The following NBAS variants were observed in gnomAD, a reference collection of about 807,000 sequenced individuals.
NBAS encodes NBAS subunit of NRZ tethering complex.
NBAS carries 219 observed loss-of-function variants against 302.5 expected under a neutral mutation model. That is an observed-to-expected ratio of 0.72 (90% CI 0.65 to 0.81). NBAS has a LOEUF of 0.81. NBAS is among the 30% of genes least tolerant of loss of function. NBAS has a pLI of 0.00. For synonymous variants in NBAS, 1,118 were observed against 1,021.6 expected (o/e 1.09, Z -1.80); for missense variants, 2,932 against 2,841.6 (o/e 1.03, Z -0.72).
chr2:15,082,406 C>T, the NBAS span, among the ~76,000 whole-genome samples: 1 of 152,210 alleles, frequency 6.6e-6, no homozygotes. Context: ...TCTAACATCA[C>T]TTGCTCATTT....
In NBAS at chr2:15,488,897, C is replaced by T; in HGVS notation, c.1080G>A (p.Glu360=). ...LKQQGEWGQN[E]QPGYDDLNPD... ...TTCTAATAACCAAGAGACGCACCTG[C>T]TCATTTTGACCCCATTCCCCTTGTT... Residue 360 remains glutamate, a synonymous_variant, in exon 12 of 52, where the codon GAG becomes GAA. Transcript: ENST00000281513. 2 of 1,613,642 alleles carry T rather than the reference C, an allele frequency of 1.2e-6. No individual in the cohort carries two copies. Among genetic ancestry groups the T allele is most frequent in the Non-Finnish European group, 1.7e-6 (2 of 1,179,682 alleles).
chr2:14,971,230 C>T, the NBAS span, among the ~76,000 whole-genome samples: 1 of 152,114 alleles, frequency 6.6e-6, no homozygotes, highest in African/African-American at 2.4e-5. Context: ...GATCTAAAAA[C>T]TGCCAGCCGG....
chr2:15,479,719 C>T (rs1030033594), intron 12 of NBAS, among the ~76,000 whole-genome samples: 26 of 152,086 alleles, frequency 1.7e-4, no homozygotes, highest in Admixed American at 1.6e-3. Context: ...GCACTAGAAC[C>T]GGGGTCTGCA....
At chr2:14,891,741 C>T in the NBAS span, among the ~76,000 whole-genome samples, 9 of 152,184 alleles carry the variant, frequency 5.9e-5, no homozygotes, top group African/African-American at 1.7e-4. Flanking sequence ...CAGTGAGCAG[C>T]TGTGATTCTT....
chr2:14,959,569 T>C, the NBAS span, among the ~76,000 whole-genome samples: 1 of 152,202 alleles, frequency 6.6e-6, no homozygotes, highest in African/African-American at 2.4e-5. Flanking sequence ...GACCCTCCAT[T>C]ACCTGCCCTC....
Position 15,190,396 on chromosome 2 carries a change from A to G in NBAS, c.6440T>C (p.Ile2147Thr), listed in dbSNP as rs981454660. ...GTTCTCTTCATTCTCAATGTCAGCTATGTCTACCTGGAAGAAGAAATACAC... is the reference window on the plus strand; with the variant it reads ...GTTCTCTTCATTCTCAATGTCAGCTGTGTCTACCTGGAAGAAGAAATACAC... ...KASWPQRQVD[I>T]ADIENEENRY... Residue 2147 changes from isoleucine (I) to threonine (T), a missense_variant, in exon 49 of 52, where the codon ATA (isoleucine) becomes ACA (threonine). Transcript: ENST00000281513. 9.9e-6 allele frequency: 16 copies of G among 1,613,924 alleles called. No homozygotes were observed. The highest frequency in any genetic ancestry group is 1.4e-5 in the Non-Finnish European group (16 of 1,179,896).
At chr2:14,852,978 A>C in the NBAS span, among the ~76,000 whole-genome samples, 3 of 149,280 alleles carry the variant, frequency 2.0e-5, no homozygotes, top group Admixed American at 6.7e-5. Flanking sequence ...CCTAGAAGAA[A>C]ACCTAGGCAT....
chr2:14,830,769 T>C, the NBAS span, among the ~76,000 whole-genome samples: 1 of 152,176 alleles, frequency 6.6e-6, no homozygotes, highest in African/African-American at 2.4e-5. Context: ...GGTTTGTGCC[T>C]GCTTGTTGAG....
At chr2:15,469,936 T>C (rs7562204) in intron 16 of NBAS, among the ~76,000 whole-genome samples, 1,873 of 151,862 alleles carry the variant, frequency 0.012, 36 homozygotes, top group African/African-American at 0.043. Context: ...TGTATACATA[T>C]GTAACAAACC....
the NBAS span, among the ~76,000 whole-genome samples, chr2:14,850,204 T>C: frequency 5.2e-5 from 7 of 133,750 alleles, no homozygotes; most frequent in East Asian, 1.9e-4. Context: ...CAGAGACACA[T>C]GTAGGCTCAA....
the NBAS span, among the ~76,000 whole-genome samples, chr2:15,154,951 A>C: frequency 2.0e-5 from 3 of 152,212 alleles, no homozygotes; most frequent in Non-Finnish European, 2.9e-5. Context: ...GGACTTTTCC[A>C]GTGTTCTAAG....
chr2:15,062,136 G>A, the NBAS span, among the ~76,000 whole-genome samples: 596 of 152,248 alleles, frequency 3.9e-3, 2 homozygotes, highest in Non-Finnish European at 5.2e-3. Context: ...AGGTCCTTCC[G>A]GGATTCTCCT....
intron 31 of NBAS, among the ~76,000 whole-genome samples, chr2:15,373,942 A>G (rs1452428577): frequency 1.3e-5 from 2 of 152,162 alleles, no homozygotes; most frequent in African/African-American, 2.4e-5. Flanking sequence ...CAGAAAATCT[A>G]CCTTCCTCAA....
Position 15,238,646 on chromosome 2 carries a change from A to G in NBAS, c.5765T>C (p.Ile1922Thr). ...EARKEMTRKAIKTVKHFIEKP... is the reference protein window; with the variant it reads ...EARKEMTRKATKTVKHFIEKP... Reference sequence around the variant, plus strand: ...CTCAATAAAATGTTTGACTGTCTTAATAGCCTTTCTAGTCATCTCTTTACG... The same window carrying G: ...CTCAATAAAATGTTTGACTGTCTTAGTAGCCTTTCTAGTCATCTCTTTACG... Residue 1922 changes from isoleucine to threonine, a missense_variant, in exon 45 of 52, where the codon ATT becomes ACT. Physicochemically the swap from Ile to Thr is moderately conservative, Grantham distance 89 (BLOSUM62 -1). Transcript: ENST00000281513. The G allele has an allele frequency of 6.2e-7, 1 of 1,613,374 alleles. No homozygotes were observed. The highest frequency in any genetic ancestry group is 8.5e-7 in the Non-Finnish European group (1 of 1,179,914).
chr2:15,059,976 CAAAAAAAAAAA>C, the NBAS span, among the ~76,000 whole-genome samples: 4 of 64,168 alleles, frequency 6.2e-5, 1 homozygote, highest in African/African-American at 2.0e-4. Flanking sequence ...AAAAAAAAAA[CAAAAAAAAAAA>C]CACTCCACGT....
rs903640959 is a variant in NBAS, at chr2:15,489,019, C to T, written c.958G>A (p.Gly320Arg). The change falls in exon 12 of 52, where the codon GGA becomes AGA. Residue 320 changes from glycine to arginine, a missense_variant. By Grantham distance (125) the Gly-to-Arg change is moderately radical. Transcript: ENST00000281513. Reference sequence around the variant, plus strand: ...GGAGAAAGGCTCATCTTAAAAATTCCATCCTAAATAAGAATCATAAGGTCA... The same window carrying T: ...GGAGAAAGGCTCATCTTAAAAATTCTATCCTAAATAAGAATCATAAGGTCA... ...FYSRQGQEQD[G>R]IFKMSLSPDG... The T allele has an allele frequency of 6.2e-7, 1 of 1,613,272 alleles. No homozygotes were observed. The highest frequency in any genetic ancestry group is 8.5e-7 in the Non-Finnish European group (1 of 1,179,486).
At chr2:14,899,055 C>G in the NBAS span, among the ~76,000 whole-genome samples, 2 of 152,160 alleles carry the variant, frequency 1.3e-5, no homozygotes, top group African/African-American at 4.8e-5. Flanking sequence ...ATTTCCTCCC[C>G]CAGTGGTCTC....
At chr2:14,843,897 T>C in the NBAS span, among the ~76,000 whole-genome samples, 1 of 152,092 alleles carries the variant, frequency 6.6e-6, no homozygotes, top group Admixed American at 6.6e-5. Flanking sequence ...AAAGGAGAAT[T>C]GTCCATCTCA....
At chr2:14,915,217 T>C in the NBAS span, among the ~76,000 whole-genome samples, 2 of 152,206 alleles carry the variant, frequency 1.3e-5, no homozygotes, top group Admixed American at 6.5e-5. Context: ...AGGTTGCTGG[T>C]GAAAGATATT....
Sources: allele counts gnomAD v4.1 joint callset (sites outside exome capture counted in the v4.1 genomes callset), GRCh38; gene constraint gnomAD v4.1.1; transcripts MANE v1.5; gene names NCBI Gene and HGNC (gene_info 2026-07-23, HGNC 2026-07-21).